STK3: variants seen among roughly 807,000 people sequenced by gnomAD.
The protein encoded by STK3 is serine/threonine kinase 3.
In STK3, 41 loss-of-function variants were observed where a neutral mutation model predicts 58.0. The observed-to-expected ratio is 0.71, with a 90% CI of 0.55 to 0.92. The LOEUF (loss-of-function observed/expected upper bound fraction) is 0.92. Among genes scored for constraint, STK3 ranks in the 40% least tolerant of loss-of-function variants. The pLI, the probability that STK3 is intolerant of heterozygous loss-of-function variation, is 0.00. For synonymous variants in STK3, 170 were observed against 191.0 expected, an observed-to-expected ratio of 0.89 and a Z score of 0.91; for missense variants, 479 against 602.7, an observed-to-expected ratio of 0.79 and a Z score of 2.15.
At chr8:98,731,969 AC>A (rs886140256) in intron 4 of STK3, among the ~76,000 whole-genome samples, 18 of 152,158 alleles carry the variant, frequency 1.2e-4, no homozygotes, top group African/African-American at 4.1e-4. Context: ...TATTTAAAAA[AC>A]GTATTATTCT....
intron 6 of STK3, among the ~76,000 whole-genome samples, chr8:98,657,721 AAG>A (rs1491571659): frequency 5.3e-5 from 8 of 152,078 alleles, no homozygotes; most frequent in African/African-American, 1.9e-4. Flanking sequence ...AAGCAAAAAA[AAG>A]AGTATTAAGA....
chr8:98,825,563 G>A lies in STK3; in HGVS notation c.-23C>T. On this transcript the variant is annotated 5_prime_UTR_variant, in exon 1 of 11. Coordinates refer to ENST00000419617, the MANE Select transcript of STK3 (RefSeq NM_006281.4). ...CATGGCGGCCGGGGACAGAGAGAGGGACCTGGTGGACGGCGAAGGCCGAAA... is the reference window on the plus strand; with the variant it reads ...CATGGCGGCCGGGGACAGAGAGAGGAACCTGGTGGACGGCGAAGGCCGAAA... 6.9e-7 allele frequency: 1 copy of A among 1,451,204 alleles called. No individual in the cohort carries two copies. The highest frequency in any genetic ancestry group is 1.3e-5 in the South Asian group (1 of 76,304). 89.9% of individuals were successfully genotyped at this position (1,451,204 alleles called of 1,614,324 possible). A position where few individuals can be genotyped will look rare whatever the true frequency, so the allele number is the denominator to read the frequency against.
chr8:98,518,867 T>TATGCCACATACACTTGAGTTC (rs1825146574), intron 10 of STK3, among the ~76,000 whole-genome samples: 1 of 152,122 alleles, frequency 6.6e-6, no homozygotes, highest in Non-Finnish European at 1.5e-5. Context: ...GAAAGCACAA[T>TATGCCACATACACTTGAGTTC]ATGCCACATA....
chr8:98,466,726 C>T (rs546044222), intron 10 of STK3, among the ~76,000 whole-genome samples: 1 of 152,272 alleles, frequency 6.6e-6, no homozygotes, highest in African/African-American at 2.4e-5. Flanking sequence ...TATGTATTTC[C>T]TGATGTTGTG....
At chr8:98,425,686 C>A (rs1198945764) in intron 3 of STK3, among the ~76,000 whole-genome samples, 2 of 152,184 alleles carry the variant, frequency 1.3e-5, no homozygotes, top group Non-Finnish European at 1.5e-5. Flanking sequence ...AGCCCCCATT[C>A]GAAGCCAGAT....
intron 6 of STK3, among the ~76,000 whole-genome samples, chr8:98,600,858 G>C (rs1198877820): frequency 6.6e-6 from 1 of 152,138 alleles, no homozygotes; most frequent in Non-Finnish European, 1.5e-5. Flanking sequence ...AAGCAAAAAT[G>C]AGGGAGTAAA....
chr8:98,869,119 G>A (rs1394058083), intron 3 of STK3, among the ~76,000 whole-genome samples: 2 of 151,966 alleles, frequency 1.3e-5, no homozygotes, highest in Non-Finnish European at 2.9e-5. Context: ...AGGAGTCTTT[G>A]TTGATAGATA....
intron 1 of STK3, among the ~76,000 whole-genome samples, chr8:98,810,883 G>A (rs113967914): frequency 2.5e-4 from 38 of 152,210 alleles, no homozygotes; most frequent in Middle Eastern, 6.8e-3. Context: ...AAAGCTGGCT[G>A]TTTAAAGAGC....
intron 2 of STK3, among the ~76,000 whole-genome samples, chr8:98,772,199 T>A (rs1831356114): frequency 6.6e-6 from 1 of 152,220 alleles, no homozygotes; most frequent in Non-Finnish European, 1.5e-5. Context: ...GTGGATTTTG[T>A]CATATTATAA....
intron 6 of STK3, among the ~76,000 whole-genome samples, chr8:98,705,147 G>A (rs1825877094): frequency 6.6e-6 from 1 of 152,084 alleles, no homozygotes; most frequent in Non-Finnish European, 1.5e-5. Flanking sequence ...AAGAACTCTA[G>A]GCTGGGCACA....
chr8:98,806,923 G>A (rs1203756516), intron 1 of STK3, among the ~76,000 whole-genome samples: 1 of 152,120 alleles, frequency 6.6e-6, no homozygotes, highest in Non-Finnish European at 1.5e-5. Flanking sequence ...GGGAGGCCAA[G>A]GCAGGCGGAT....
chr8:98,585,417 A>G (rs1195152437), intron 7 of STK3, among the ~76,000 whole-genome samples: 3 of 151,496 alleles, frequency 2.0e-5, no homozygotes, highest in Non-Finnish European at 2.9e-5. Flanking sequence ...GATATGCGGC[A>G]TTATTTCTAA....
At chr8:98,851,610 AAAG>A (rs1229162399) in intron 3 of STK3, among the ~76,000 whole-genome samples, 16 of 152,216 alleles carry the variant, frequency 1.1e-4, no homozygotes, top group Non-Finnish European at 7.3e-5. Context: ...GAGGTTAAAA[AAAG>A]AAGAAGAGAA....
chr8:98,567,706 A>G (rs776602447), intron 8 of STK3, among the ~76,000 whole-genome samples: 3 of 152,278 alleles, frequency 2.0e-5, no homozygotes, highest in Non-Finnish European at 4.4e-5. Flanking sequence ...AATCACTGAA[A>G]TATACGGAGG....
At chr8:98,726,850 G>GA (rs1180423201) in intron 4 of STK3, among the ~76,000 whole-genome samples, 1 of 151,952 alleles carries the variant, frequency 6.6e-6, no homozygotes, top group Non-Finnish European at 1.5e-5. Flanking sequence ...GTGACAGAAG[G>GA]AAAAAAGAGA....
intron 1 of STK3, among the ~76,000 whole-genome samples, chr8:98,909,984 T>G (rs188014421): frequency 3.5e-4 from 53 of 152,350 alleles, no homozygotes; most frequent in African/African-American, 1.3e-3. Context: ...GAATTGTGAT[T>G]TCTCCACATC....
downstream of STK3, among the ~76,000 whole-genome samples, chr8:98,453,439 C>A (rs1166760609): frequency 6.6e-6 from 1 of 152,062 alleles, no homozygotes; most frequent in African/African-American, 2.4e-5. Context: ...ATTCCTTTGA[C>A]TGGTAGGGGC....
At chr8:98,555,126 G>A (rs1235281948) in intron 8 of STK3, among the ~76,000 whole-genome samples, 1 of 151,966 alleles carries the variant, frequency 6.6e-6, no homozygotes, top group Non-Finnish European at 1.5e-5. Flanking sequence ...AATCCACATG[G>A]AATACAAATA....
chr8:98,579,365 A>C (rs1226385911), intron 8 of STK3, among the ~76,000 whole-genome samples: 1 of 152,182 alleles, frequency 6.6e-6, no homozygotes, highest in Non-Finnish European at 1.5e-5. Context: ...AGAAGATATG[A>C]CACAAAACTG....
Sources: gnomAD v4.1 joint callset for allele counts (sites outside exome capture counted in the v4.1 genomes callset) on GRCh38, gnomAD v4.1.1 for gene constraint, MANE v1.5 for transcripts, NCBI Gene and HGNC (gene_info 2026-07-23, HGNC 2026-07-21) for gene names.